The following OPCML variants were observed in gnomAD, a reference collection of about 807,000 sequenced individuals.
The protein encoded by OPCML is opioid binding protein/cell adhesion molecule like, also known as opioid-binding protein/cell adhesion molecule.
OPCML carries 13 observed loss-of-function variants against 37.8 expected under a neutral mutation model. The ratio of observed to expected loss-of-function variants is 0.34; its 90% CI spans 0.22 to 0.55. The LOEUF (loss-of-function observed/expected upper bound fraction) is 0.55. OPCML is among the 20% of genes least tolerant of loss of function. OPCML has a pLI of 0.91. For synonymous variants in OPCML, 176 were observed against 168.8 expected, an observed-to-expected ratio of 1.04 and a Z score of -0.33; for missense variants, 341 against 435.6, an observed-to-expected ratio of 0.78 and a Z score of 1.93.
intron 2 of OPCML, among the ~76,000 whole-genome samples, chr11:132,802,315 G>A (rs541229644): frequency 1.1e-3 from 172 of 152,146 alleles, no homozygotes; most frequent in African/African-American, 2.5e-3. Context: ...AAGCATTTCC[G>A]TGGCTTCTTA....
rs187331072 is a variant in OPCML at position 133,330,849 on chromosome 11, A to T, written c.61+201415T>A. Among the ~76,000 whole-genome samples, 911 of 152,284 alleles carry T rather than the reference A, an allele frequency of 6.0e-3. 14 individuals are homozygous for T. Among genetic ancestry groups the T allele is most frequent in the African/African-American group, 0.021 (855 of 41,554 alleles). On this transcript the variant is annotated intron_variant, in intron 1 of 7. Transcript: ENST00000524381. ...TTAAAGTATAATAATAATAAAATTT[A>T]AAAAAATGTTCTCATTTGCACAATT...
At chr11:132,680,373 G>A (rs1272799719) in intron 2 of OPCML, among the ~76,000 whole-genome samples, 2 of 152,174 alleles carry the variant, frequency 1.3e-5, no homozygotes, top group African/African-American at 2.4e-5. Context: ...ACAAAGGGCA[G>A]GAAATCTCTC....
chr11:133,236,389 T>C (rs1940516557), intron 1 of OPCML, among the ~76,000 whole-genome samples: 1 of 152,310 alleles, frequency 6.6e-6, no homozygotes, highest in East Asian at 1.9e-4. Context: ...CTGGAATTTT[T>C]ATTTAATCTT....
At chr11:132,950,586 G>A (rs1213571629) in intron 1 of OPCML, among the ~76,000 whole-genome samples, 1 of 152,182 alleles carries the variant, frequency 6.6e-6, no homozygotes, top group Non-Finnish European at 1.5e-5. Flanking sequence ...TAGCATGGAG[G>A]ACTGAGGGTG....
chr11:132,909,416 G>A (rs748754221), intron 2 of OPCML, among the ~76,000 whole-genome samples: 18 of 152,324 alleles, frequency 1.2e-4, no homozygotes, highest in Non-Finnish European at 2.1e-4. Flanking sequence ...GAAGAGAAAC[G>A]TGTGAGGCTG....
intron 2 of OPCML, among the ~76,000 whole-genome samples, chr11:132,883,493 G>A (rs75552000): frequency 6.6e-6 from 1 of 152,300 alleles, no homozygotes; most frequent in African/African-American, 2.4e-5. Flanking sequence ...ACAGCTCAGT[G>A]AGGTTGGTTC....
At chr11:133,152,541 T>C (rs1159024247) in intron 1 of OPCML, among the ~76,000 whole-genome samples, 4 of 148,646 alleles carry the variant, frequency 2.7e-5, no homozygotes, top group Non-Finnish European at 3.0e-5. Flanking sequence ...ACTCCCACCT[T>C]GGACCCAAGG....
At chr11:133,529,161 A>C (rs1948549557) in intron 1 of OPCML, among the ~76,000 whole-genome samples, 1 of 152,242 alleles carries the variant, frequency 6.6e-6, no homozygotes, top group Non-Finnish European at 1.5e-5. Flanking sequence ...ACAGGTTTTA[A>C]GTGACAGACA....
At chr11:133,125,948 C>T (rs1175010776) in intron 1 of OPCML, among the ~76,000 whole-genome samples, 1 of 146,704 alleles carries the variant, frequency 6.8e-6, no homozygotes, top group Non-Finnish European at 1.5e-5. Flanking sequence ...TATATAGACA[C>T]ATGTATATAG....
At chr11:133,515,844 A>G (rs1444327809) in intron 1 of OPCML, among the ~76,000 whole-genome samples, 2 of 105,416 alleles carry the variant, frequency 1.9e-5, no homozygotes, top group African/African-American at 8.2e-5. Context: ...CAAGAAGAGG[A>G]AAAAAAAAAA....
intron 1 of OPCML, among the ~76,000 whole-genome samples, chr11:133,293,407 A>G (rs1392151346): frequency 6.6e-6 from 1 of 152,190 alleles, no homozygotes; most frequent in African/African-American, 2.4e-5. Context: ...GCCCTGAGGA[A>G]ATGTGAATAG....
intron 1 of OPCML, among the ~76,000 whole-genome samples, chr11:133,163,075 C>T (rs1235043477): frequency 6.6e-6 from 1 of 152,176 alleles, no homozygotes; most frequent in Non-Finnish European, 1.5e-5. Context: ...ATCACTTTCC[C>T]ACTGTGAGAT....
chr11:132,687,250 G>T (rs1943196439), intron 2 of OPCML, among the ~76,000 whole-genome samples: 1 of 150,678 alleles, frequency 6.6e-6, no homozygotes, highest in Admixed American at 6.6e-5. Flanking sequence ...GGTCAGTTTT[G>T]CCGTATTATG....
At chr11:133,118,196 G>A in intron 1 of OPCML, 20 of 977,004 alleles carry the variant, frequency 2.0e-5, no homozygotes, top group Non-Finnish European at 2.4e-5. Context: ...GTTTCCATGT[G>A]TAGGAGGCCC....
chr11:132,540,280 C>A (rs1369561052), intron 3 of OPCML, among the ~76,000 whole-genome samples: 2 of 152,150 alleles, frequency 1.3e-5, no homozygotes, highest in Non-Finnish European at 2.9e-5. Context: ...ACTCACTCGA[C>A]CGGGGATCCT....
chr11:132,605,402 A>T (rs527903056), intron 3 of OPCML, among the ~76,000 whole-genome samples: 32 of 151,594 alleles, frequency 2.1e-4, no homozygotes, highest in Middle Eastern at 3.4e-3. Flanking sequence ...CTAAAAATAA[A>T]AAAAAAAAAA....
chr11:132,986,757 G>A (rs938735076), intron 1 of OPCML, among the ~76,000 whole-genome samples: 1 of 152,102 alleles, frequency 6.6e-6, no homozygotes. Context: ...ATGAGAATGG[G>A]TAATCGAGAG....
chr11:133,166,150 G>C (rs186458534), intron 1 of OPCML, among the ~76,000 whole-genome samples: 2 of 151,982 alleles, frequency 1.3e-5, no homozygotes, highest in African/African-American at 4.8e-5. Context: ...GCTTGCTTTG[G>C]GGAAAAAAAT....
rs1475412006 is a variant in OPCML, at chr11:133,141,051, A to AGAC, written c.62-198042_62-198041insGTC. ...ACGACGACGACGACGACGACGACGA[A>AGAC]GAAGAAGAAGAAGAAGAAGAAGAAG... On this transcript the variant is annotated intron_variant, in intron 1 of 7. Transcript: ENST00000524381. Among the ~76,000 whole-genome samples the AGAC allele has an allele frequency of 7.6e-4, 41 of 53,698 alleles. 6 individuals are homozygous for AGAC. The highest frequency in any genetic ancestry group is 2.1e-3 in the African/African-American group (39 of 18,328). The allele number at this position is 53,698 out of a possible 152,430, so 35.2% of individuals were successfully genotyped here. A position where few individuals can be genotyped will look rare whatever the true frequency, so the allele number is the denominator to read the frequency against.
Sources: allele counts gnomAD v4.1 joint callset (sites outside exome capture counted in the v4.1 genomes callset), GRCh38; gene constraint gnomAD v4.1.1; transcripts MANE v1.5; gene names NCBI Gene and HGNC (gene_info 2026-07-23, HGNC 2026-07-21).